Variants in MINDY3 observed in about 807,000 individuals in gnomAD.
MINDY3 encodes ubiquitin carboxyl-terminal hydrolase MINDY-3.
MINDY3 carries 38 observed loss-of-function variants against 69.2 expected under a neutral mutation model. The ratio of observed to expected loss-of-function variants is 0.55; its 90% CI spans 0.42 to 0.72. The LOEUF is 0.72. Ranked by LOEUF, MINDY3 falls within the 30% of genes least tolerant of loss-of-function variation. The pLI is 0.00. For synonymous variants in MINDY3, 192 were observed against 180.1 expected (o/e 1.07, Z -0.53); for missense variants, 522 against 519.0 (o/e 1.01, Z -0.06).
chr10:15,838,168 A>C, intron 5 of MINDY3, 60 bp downstream of exon 5: 1 of 1,531,498 alleles, frequency 6.5e-7, no homozygotes, highest in Non-Finnish European at 8.8e-7. Flanking sequence ...CAGTATGAAC[A>C]GACTTAAAGT....
rs768458365 is a variant in MINDY3, at chr10:15,847,845, G to A, written c.174+19C>T. 15 of 1,594,640 alleles carry A rather than the reference G, an allele frequency of 9.4e-6. No homozygotes were observed. The South Asian group carries it at 1.7e-4, about 18-fold the overall frequency. ...TTCAAAATGTCCCTCTAAGGAGTTGGTAAAGGAGTCTATGTTACCTGAACA... is the reference window on the plus strand; with the variant it reads ...TTCAAAATGTCCCTCTAAGGAGTTGATAAAGGAGTCTATGTTACCTGAACA... On this transcript the variant is annotated intron_variant, in intron 2 of 14. Coordinates refer to ENST00000277632, the MANE Select transcript of MINDY3 (RefSeq NM_024948.4).
chr10:15,783,575 G>GAACTT (rs1310983299), intron 13 of MINDY3, among the ~76,000 whole-genome samples: 3 of 151,962 alleles, frequency 2.0e-5, no homozygotes, highest in African/African-American at 7.3e-5. Flanking sequence ...TACTACACTG[G>GAACTT]AACTTAACCT....
chr10:15,826,029 C>T (rs1840064148), intron 8 of MINDY3, among the ~76,000 whole-genome samples: 1 of 151,838 alleles, frequency 6.6e-6, no homozygotes, highest in Non-Finnish European at 1.5e-5. Context: ...CTGAAGAATT[C>T]CTTTAAGATA....
chr10:15,819,544 G>A (rs948387007), intron 9 of MINDY3, among the ~76,000 whole-genome samples: 2 of 152,144 alleles, frequency 1.3e-5, no homozygotes, highest in African/African-American at 2.4e-5. Flanking sequence ...GCCCCCCAGA[G>A]TTATCCAAAT....
At chr10:15,806,344 T>C (rs1250019224) in intron 10 of MINDY3, among the ~76,000 whole-genome samples, 4 of 152,104 alleles carry the variant, frequency 2.6e-5, no homozygotes, top group African/African-American at 7.2e-5. Flanking sequence ...CCTATGAAAA[T>C]TAATGCTTAA....
intron 13 of MINDY3, among the ~76,000 whole-genome samples, chr10:15,783,533 A>G (rs1336748425): frequency 2.6e-5 from 4 of 152,074 alleles, no homozygotes; most frequent in Admixed American, 6.6e-5. Context: ...CTTTTTCTGT[A>G]AAGTTTTTCC....
intron 10 of MINDY3, among the ~76,000 whole-genome samples, chr10:15,801,022 T>C (rs973089275): frequency 1.3e-5 from 2 of 152,298 alleles, no homozygotes; most frequent in Admixed American, 1.3e-4. Context: ...TTTTAGAAAC[T>C]GGTTTGGCTT....
At chr10:15,859,972 G>A (rs552492914) in intron 1 of MINDY3, among the ~76,000 whole-genome samples, 24 of 152,336 alleles carry the variant, frequency 1.6e-4, no homozygotes, top group African/African-American at 4.8e-4. Context: ...AGGGCAGCCC[G>A]GAGGATGGAA....
intron 8 of MINDY3, among the ~76,000 whole-genome samples, chr10:15,822,046 A>C (rs563685593): frequency 4.6e-5 from 7 of 152,310 alleles, no homozygotes; most frequent in African/African-American, 1.7e-4. Context: ...CAAAAATACA[A>C]GAAGAAAAAG....
At chr10:15,783,835 T>C (rs1396336007) in intron 13 of MINDY3, among the ~76,000 whole-genome samples, 13 of 152,190 alleles carry the variant, frequency 8.5e-5, no homozygotes, top group Admixed American at 8.5e-4. Flanking sequence ...AGTTAAATTA[T>C]TTGAACTTAA....
At chr10:15,831,284 A>G (rs1840438588) in intron 8 of MINDY3, among the ~76,000 whole-genome samples, 1 of 152,200 alleles carries the variant, frequency 6.6e-6, no homozygotes, top group African/African-American at 2.4e-5. Context: ...TTTCTTTTCT[A>G]GCAATAATCA....
At chr10:15,782,583 C>T (rs1306540143) in intron 13 of MINDY3, among the ~76,000 whole-genome samples, 4 of 152,060 alleles carry the variant, frequency 2.6e-5, no homozygotes, top group Non-Finnish European at 5.9e-5. Context: ...TAATTTGTTC[C>T]TCTCAATGAA....
Position 15,798,069 on chromosome 10 carries a change from T to C in MINDY3, c.883-1897A>G, listed in dbSNP as rs558757306. Reference sequence around the variant, plus strand: ...AATCAGGATACAGTTATTCTTTCTATTCGCCATCTGTTACATTCTCAACCT... The same window carrying C: ...AATCAGGATACAGTTATTCTTTCTACTCGCCATCTGTTACATTCTCAACCT... On this transcript the variant is annotated intron_variant, in intron 10 of 14. Transcript: ENST00000277632. Among the ~76,000 whole-genome samples the C allele has an allele frequency of 3.9e-5, 6 of 152,296 alleles. No homozygotes were observed. In the South Asian group the frequency reaches 1.2e-3, roughly 32 times the overall value.
At chr10:15,796,764 A>AAAAC (rs1387475479) in intron 10 of MINDY3, among the ~76,000 whole-genome samples, 1 of 151,986 alleles carries the variant, frequency 6.6e-6, no homozygotes, top group Non-Finnish European at 1.5e-5. Context: ...TTTCCCCCAT[A>AAAAC]AAACAAATTC....
At chr10:15,804,964 G>T (rs1370425742) in intron 10 of MINDY3, among the ~76,000 whole-genome samples, 2 of 152,108 alleles carry the variant, frequency 1.3e-5, no homozygotes, top group Non-Finnish European at 2.9e-5. Context: ...TATGGGCAGA[G>T]AAATCAGGGT....
intron 3 of MINDY3, among the ~76,000 whole-genome samples, chr10:15,842,519 A>C (rs1053369957): frequency 2.6e-5 from 4 of 151,922 alleles, no homozygotes; most frequent in Non-Finnish European, 5.9e-5. Context: ...AACTTATGGA[A>C]GTGATCCCTT....
intron 8 of MINDY3, among the ~76,000 whole-genome samples, chr10:15,832,384 A>T (rs2132050851): frequency 6.6e-6 from 1 of 152,296 alleles, no homozygotes; most frequent in South Asian, 2.1e-4. Flanking sequence ...AAGCCATCAC[A>T]GGTGACAGAG....
chr10:15,783,270 C>T (rs1372028181), intron 13 of MINDY3, among the ~76,000 whole-genome samples: 1 of 152,162 alleles, frequency 6.6e-6, no homozygotes, highest in Non-Finnish European at 1.5e-5. Flanking sequence ...CATGTATTTT[C>T]CCCCTCACTT....
rs1833460111 is a variant in MINDY3, at chr10:15,841,419, A to G, written c.409+7T>C. The stretch of plus-strand genomic sequence containing the variant: ...AAAAAACTTCAGGAAATAAAAATAT[A>G]TCTTACAAGAATGTTCCACTTGGCA... On this transcript the variant is annotated splice_region_variant and intron_variant, in intron 4 of 14. Coordinates refer to ENST00000277632, the MANE Select transcript of MINDY3 (RefSeq NM_024948.4). 5 of 1,595,824 alleles carry G rather than the reference A, an allele frequency of 3.1e-6. No homozygotes were observed. Among genetic ancestry groups the G allele is most frequent in the Non-Finnish European group, 3.4e-6 (4 of 1,172,552 alleles).
Sources: gnomAD v4.1 joint callset for allele counts (sites outside exome capture counted in the v4.1 genomes callset) on GRCh38, gnomAD v4.1.1 for gene constraint, MANE v1.5 for transcripts, NCBI Gene and HGNC (gene_info 2026-07-23, HGNC 2026-07-21) for gene names.